BPTF: variants seen among roughly 807,000 people sequenced by gnomAD.
The protein encoded by BPTF is nucleosome-remodeling factor subunit BPTF.
Under a neutral mutation model 292.5 loss-of-function variants are expected in BPTF, and 18 were observed. The ratio of observed to expected loss-of-function variants is 0.06; its 90% CI spans 0.04 to 0.09. The LOEUF is 0.09. Ranked by LOEUF, BPTF falls within the 10% of genes least tolerant of loss-of-function variation. The pLI is 1.00. For synonymous variants in BPTF, 1,225 were observed against 1,251.9 expected (o/e 0.98, Z 0.45); for missense variants, 2,726 against 3,498.7 (o/e 0.78, Z 5.57).
chr17:67,909,751 G>C lies in BPTF; in HGVS notation c.2982G>C (p.Lys994Asn). ...TGGATATCTCAAAGATTACTGAGAA[G>C]AAGGACCAAGGTAAGGAGAGTCAGC... ...NEMDISKITE[K>N]KDQDVKELLD... The change falls in exon 10 of 28, where the codon AAG becomes AAC. Residue 994 changes from lysine to asparagine, a missense_variant. Transcript: ENST00000306378. 6.4e-7 allele frequency: 1 copy of C among 1,570,888 alleles called. No individual in the cohort carries two copies. The highest frequency in any genetic ancestry group is 8.6e-7 in the Non-Finnish European group (1 of 1,163,656).
intron 9 of BPTF, among the ~76,000 whole-genome samples, chr17:67,909,037 G>A (rs888036935): frequency 2.1e-4 from 32 of 151,342 alleles, no homozygotes; most frequent in African/African-American, 7.5e-4. Context: ...GTTTCACCAT[G>A]TTAGCCAGGC....
intron 24 of BPTF, among the ~76,000 whole-genome samples, chr17:67,962,255 A>C (rs1476935472): frequency 2.6e-5 from 4 of 152,222 alleles, no homozygotes; most frequent in Non-Finnish European, 5.9e-5. Flanking sequence ...CCTCTAGGTG[A>C]ATCTGCCAAG....
chr17:67,978,556 C>T (rs2069867630), intron 27 of BPTF, among the ~76,000 whole-genome samples: 1 of 152,044 alleles, frequency 6.6e-6, no homozygotes, highest in African/African-American at 2.4e-5. Flanking sequence ...CTCAGCCTCC[C>T]AAAGTGCTGG....
intron 1 of BPTF, among the ~76,000 whole-genome samples, chr17:67,844,192 G>A (rs548718688): frequency 1.3e-5 from 2 of 148,842 alleles, no homozygotes; most frequent in African/African-American, 4.9e-5. Flanking sequence ...TGAGTCTCGT[G>A]CCACAGCCTC....
At chr17:67,964,791 G>C in intron 25 of BPTF, among the ~76,000 whole-genome samples, 1 of 150,848 alleles carries the variant, frequency 6.6e-6, no homozygotes, top group Non-Finnish European at 1.5e-5. Flanking sequence ...ACAAGGTCAG[G>C]AGATCAGACC....
chr17:67,872,308 A>G (rs1236121266), intron 3 of BPTF, among the ~76,000 whole-genome samples: 1 of 152,248 alleles, frequency 6.6e-6, no homozygotes, highest in Non-Finnish European at 1.5e-5. Context: ...TAAATGGTCT[A>G]AACTTAGTAG....
In BPTF at chr17:67,959,770, C is replaced by T; in HGVS notation, c.8156C>T (p.Ser2719Phe). The T allele has an allele frequency of 6.2e-7, 1 of 1,613,734 alleles. No individual in the cohort carries two copies. Among genetic ancestry groups the T allele is most frequent in the Non-Finnish European group, 8.5e-7 (1 of 1,179,850 alleles). Residue 2719 changes from serine (S) to phenylalanine (F), a missense_variant, in exon 24 of 28, where the codon TCC becomes TTC. Around this residue, in one of 22 missense-constraint regions of BPTF, gnomAD observed 148 missense variants for 145.5 expected, o/e 1.02. Transcript: ENST00000306378. ...QKRKREEEKDSSSKSKKKKMI... is the reference protein window; with the variant it reads ...QKRKREEEKDFSSKSKKKKMI... ...AGGAAGCGGGAAGAGGAAAAAGACT[C>T]CAGCTCAAAGTCCAAGAAAAAGAAA...
chr17:67,929,539 A>C, intron 17 of BPTF, 52 bp downstream of exon 17: 1 of 1,558,598 alleles, frequency 6.4e-7, no homozygotes, highest in East Asian at 2.3e-5. Flanking sequence ...ACATCACATT[A>C]TTTTTAGAAT....
At chr17:67,908,272 C>T (rs781379283) in intron 9 of BPTF, among the ~76,000 whole-genome samples, 16 of 152,004 alleles carry the variant, frequency 1.1e-4, no homozygotes, top group Non-Finnish European at 1.0e-4. Context: ...AATTCTCCTG[C>T]TTCAGTCTCC....
intron 4 of BPTF, among the ~76,000 whole-genome samples, chr17:67,876,088 A>T (rs766633046): frequency 4.6e-5 from 7 of 152,166 alleles, no homozygotes; most frequent in Non-Finnish European, 8.8e-5. Flanking sequence ...TGACCTTTCC[A>T]GTTCTGTAGA....
chr17:67,978,552 C>A (rs184303411), intron 27 of BPTF, among the ~76,000 whole-genome samples: 2 of 152,078 alleles, frequency 1.3e-5, no homozygotes, highest in Non-Finnish European at 2.9e-5. Context: ...CTGCCTCAGC[C>A]TCCCAAAGTG....
intron 23 of BPTF, among the ~76,000 whole-genome samples, chr17:67,953,218 C>T (rs1555679253): frequency 6.6e-6 from 1 of 151,284 alleles, no homozygotes; most frequent in Non-Finnish European, 1.5e-5. Flanking sequence ...ACTTTGGCCT[C>T]CCAAAGCGTT....
In BPTF at chr17:67,837,511, A is replaced by G. The variant is rs182667031; in HGVS notation, c.613+11174A>G. On this transcript the variant is annotated intron_variant, in intron 1 of 27. Transcript: ENST00000306378. ...CAACCTCCACCTCCTTGGTCCAAGC[A>G]GTTCCCCTGCCTCAGCCTCCTGAGT... 9.0e-4 allele frequency among the ~76,000 whole-genome samples: 136 copies of G among 151,912 alleles called. 2 individuals are homozygous for G. Among genetic ancestry groups the G allele is most frequent in the Middle Eastern group, 3.4e-3 (1 of 294 alleles).
chr17:67,888,906 G>A (rs886790803), intron 4 of BPTF, among the ~76,000 whole-genome samples: 1 of 152,170 alleles, frequency 6.6e-6, no homozygotes, highest in Non-Finnish European at 1.5e-5. Flanking sequence ...CTATTTGGCA[G>A]GTTTGGGGTT....
chr17:67,863,661 C>A (rs891968461), intron 2 of BPTF, among the ~76,000 whole-genome samples: 1 of 152,188 alleles, frequency 6.6e-6, no homozygotes, highest in Non-Finnish European at 1.5e-5. Flanking sequence ...AGGGGCCACC[C>A]TAAATCCAGG....
chr17:67,839,043 A>G (rs558244245), intron 1 of BPTF, among the ~76,000 whole-genome samples: 1 of 152,160 alleles, frequency 6.6e-6, no homozygotes, highest in Non-Finnish European at 1.5e-5. Context: ...AATGAATCAT[A>G]TGTACACATC....
At chr17:67,887,851 G>A (rs1257182251) in intron 4 of BPTF, among the ~76,000 whole-genome samples, 1 of 152,156 alleles carries the variant, frequency 6.6e-6, no homozygotes, top group African/African-American at 2.4e-5. Flanking sequence ...CAGGGAAGAT[G>A]GCACCAGCAA....
chr17:67,969,439 A>G (rs1295949075), intron 26 of BPTF, among the ~76,000 whole-genome samples: 1 of 135,824 alleles, frequency 7.4e-6, no homozygotes, highest in Non-Finnish European at 1.6e-5. Context: ...GCAACAGAGA[A>G]AAACTCTGTC....
chr17:67,979,498 C>G (rs528205729), intron 27 of BPTF, among the ~76,000 whole-genome samples: 2 of 151,894 alleles, frequency 1.3e-5, no homozygotes, highest in African/African-American at 2.4e-5. Context: ...GCACCAAGAC[C>G]GCGCCACTGC....
Sources: gnomAD v4.1 joint callset for allele counts (sites outside exome capture counted in the v4.1 genomes callset) on GRCh38, gnomAD v4.1.1 for gene constraint, gnomAD v4.1.1 regional missense constraint, MANE v1.5 for transcripts, NCBI Gene and HGNC (gene_info 2026-07-23, HGNC 2026-07-21) for gene names.